The following RPAP3 variants were observed in gnomAD, a reference collection of about 807,000 sequenced individuals.
RPAP3 encodes the protein RNA polymerase II associated protein 3, also known as RNA polymerase II-associated protein 3.
RPAP3 carries 58 observed loss-of-function variants against 88.8 expected under a neutral mutation model. That is an observed-to-expected ratio of 0.65 (90% CI 0.53 to 0.81). The LOEUF (loss-of-function observed/expected upper bound fraction) is 0.81. Among genes scored for constraint, RPAP3 ranks in the 40% least tolerant of loss-of-function variants. The pLI is 0.00. For missense variants in RPAP3, 751 were observed against 764.3 expected (o/e 0.98, Z 0.20); for synonymous variants, 255 against 259.9 (o/e 0.98, Z 0.18).
intron 3 of RPAP3, among the ~76,000 whole-genome samples, chr12:47,700,450 G>T (rs1293198538): frequency 1.3e-5 from 2 of 152,110 alleles, no homozygotes; most frequent in East Asian, 1.9e-4. Flanking sequence ...TCTTTGGTAT[G>T]AATCAAATAT....
chr12:47,670,170 G>C lies in RPAP3; in HGVS notation c.1463C>G (p.Thr488Arg). 6.2e-7 allele frequency: 1 copy of C among 1,613,952 alleles called. No individual in the cohort carries two copies. The highest frequency in any genetic ancestry group is 8.5e-7 in the Non-Finnish European group (1 of 1,179,882). Residue 488 changes from threonine to arginine, a missense_variant, in exon 13 of 17, where the codon ACA becomes AGA. By Grantham distance (71) the Thr-to-Arg change is moderately conservative. Coordinates refer to ENST00000005386, the MANE Select transcript of RPAP3 (RefSeq NM_024604.3). Reference protein sequence around the residue: ...KNSSQDDLFPTSDTPRAKVLK... With the variant: ...KNSSQDDLFPRSDTPRAKVLK... Reference sequence around the variant, plus strand: ...TACTTTTGCTCTTGGAGTATCACTTGTGGGAAAAAGGTCATCTTGGCTTGA... The same window carrying C: ...TACTTTTGCTCTTGGAGTATCACTTCTGGGAAAAAGGTCATCTTGGCTTGA...
chr12:47,676,565 A>C (rs956952342), intron 12 of RPAP3, among the ~76,000 whole-genome samples: 2 of 152,252 alleles, frequency 1.3e-5, no homozygotes, highest in African/African-American at 2.4e-5. Context: ...TAAAGGGGAT[A>C]TCACCACTGA....
At chr12:47,698,087 A>AT (rs886646132) in intron 3 of RPAP3, among the ~76,000 whole-genome samples, 38 of 152,212 alleles carry the variant, frequency 2.5e-4, no homozygotes, top group African/African-American at 8.9e-4. Flanking sequence ...TTAAAAAAAA[A>AT]TTTTTTTCTT....
At chr12:47,701,398 G>A in intron 3 of RPAP3, 66 bp downstream of exon 3, 1 of 1,202,796 alleles carries the variant, frequency 8.3e-7, no homozygotes, top group Admixed American at 2.6e-5. Context: ...CTTAACCCAT[G>A]ATTATCAGCT....
intron 9 of RPAP3, among the ~76,000 whole-genome samples, chr12:47,682,394 C>CA (rs1363510968): frequency 6.6e-6 from 1 of 151,890 alleles, no homozygotes; most frequent in Admixed American, 6.6e-5. Context: ...CCCCCTCCAC[C>CA]AAAAAAACCC....
chr12:47,705,985 C>G lies in RPAP3; in HGVS notation c.-40G>C, dbSNP rs929835735. On this transcript the variant is annotated 5_prime_UTR_variant, in exon 1 of 17. Transcript: ENST00000005386. Reference sequence around the variant, plus strand: ...GCCGTAACCCGCCGCACTGCCACCCCGTCAGCCCCGCAGCGACTCACGCCG... The same window carrying G: ...GCCGTAACCCGCCGCACTGCCACCCGGTCAGCCCCGCAGCGACTCACGCCG... 1 of 153,058 alleles carries G rather than the reference C, an allele frequency of 6.5e-6. No homozygotes were observed. The highest frequency in any genetic ancestry group is 1.5e-5 in the Non-Finnish European group (1 of 68,600). 9.5% of individuals were successfully genotyped at this position (153,058 alleles called of 1,614,324 possible). A position where few individuals can be genotyped will look rare whatever the true frequency, so the allele number is the denominator to read the frequency against.
chr12:47,692,216 C>G (rs964322282), intron 5 of RPAP3, among the ~76,000 whole-genome samples: 2 of 152,234 alleles, frequency 1.3e-5, no homozygotes, highest in Admixed American at 6.5e-5. Context: ...TAGCCCCTAA[C>G]AAGAGAGAGA....
Position 47,663,259 on chromosome 12 carries a change from C to A in RPAP3, c.*246G>T. ...TCTAAATTTAACATTTAAAATGACT[C>A]ATAAAATAAAATGCTGATCCTTACA... is the stretch of plus-strand genomic sequence containing the variant. On this transcript the variant is annotated 3_prime_UTR_variant, in exon 17 of 17. Transcript: ENST00000005386. 2 of 296,938 alleles carry A rather than the reference C, an allele frequency of 6.7e-6. No individual in the cohort carries two copies. Among genetic ancestry groups the A allele is most frequent in the East Asian group, 6.6e-5 (1 of 15,240 alleles). The allele number at this position is 296,938 out of a possible 1,614,324, so 18.4% of individuals were successfully genotyped here. A position where few individuals can be genotyped will look rare whatever the true frequency, so the allele number is the denominator to read the frequency against.
chr12:47,669,035 G>C lies in RPAP3; in HGVS notation c.1594C>G (p.Gln532Glu). The change falls in exon 14 of 17, where the codon CAA (glutamine) becomes GAA (glutamate). Residue 532 changes from glutamine to glutamate, a missense_variant. By Grantham distance (29) the Gln-to-Glu change is conservative. Transcript: ENST00000005386. ...YSEKMPIEIEQKPAQFATTVL... is the reference protein window; with the variant it reads ...YSEKMPIEIEEKPAQFATTVL... ...GTTGTGGCAAACTGAGCAGGTTTTT[G>C]TTCTATCTCTATGGGCATTTTCTCG... 1 of 1,613,892 alleles carries C rather than the reference G, an allele frequency of 6.2e-7. No homozygotes were observed. Among genetic ancestry groups the C allele is most frequent in the Non-Finnish European group, 8.5e-7 (1 of 1,179,824 alleles).
chr12:47,702,068 T>G (rs1939664251), intron 2 of RPAP3, among the ~76,000 whole-genome samples: 1 of 152,214 alleles, frequency 6.6e-6, no homozygotes, highest in Admixed American at 6.5e-5. Flanking sequence ...AATATATCAT[T>G]AGTATATAAC....
At position 47,679,758 on chromosome 12, in the gene RPAP3, TA is replaced by T; in HGVS notation, c.1130del (p.Leu377TyrfsTer11). On this transcript the variant is annotated frameshift_variant, in exon 11 of 17. Coordinates refer to ENST00000005386, the MANE Select transcript of RPAP3 (RefSeq NM_024604.3). LOFTEE classifies it high-confidence loss of function. Reference sequence around the variant, plus strand: ...CTTGCTTATTTCCAGGTTCCAGAAGTAAAACAGTTTCAAAATCTAAAGCGAA... The same window carrying T: ...CTTGCTTATTTCCAGGTTCCAGAAGTAAACAGTTTCAAAATCTAAAGCGAA... Reference protein sequence around the residue: ...NEAKQDFETVLLLEPGNKQAV... With the variant: ...NEAKQDFETVXLLEPGNKQAV... 6.2e-7 allele frequency: 1 copy of T among 1,605,614 alleles called. No homozygotes were observed. The highest frequency in any genetic ancestry group is 8.5e-7 in the Non-Finnish European group (1 of 1,175,438).
intron 15 of RPAP3, among the ~76,000 whole-genome samples, chr12:47,667,472 T>C (rs1938901397): frequency 6.6e-6 from 1 of 152,212 alleles, no homozygotes; most frequent in South Asian, 2.1e-4. Context: ...TAATTTGCTA[T>C]ATACATTCAA....
chr12:47,695,483 C>A (rs1939507720), intron 5 of RPAP3, among the ~76,000 whole-genome samples: 1 of 152,020 alleles, frequency 6.6e-6, no homozygotes. Context: ...GGACAGGATA[C>A]AGAAAGGAGC....
chr12:47,699,645 T>C (rs1185941910), intron 3 of RPAP3: 2 of 152,186 alleles, frequency 1.3e-5, no homozygotes, highest in African/African-American at 4.8e-5. Context: ...AAATCCCCTC[T>C]AGGGTGCTTA....
At chr12:47,684,160 C>A (rs1939279035) in intron 9 of RPAP3, among the ~76,000 whole-genome samples, 1 of 152,144 alleles carries the variant, frequency 6.6e-6, no homozygotes, top group South Asian at 2.1e-4. Context: ...AACCATCTAC[C>A]AGCCTACATT....
chr12:47,683,221 T>TC (rs1939259038), intron 9 of RPAP3, among the ~76,000 whole-genome samples: 1 of 152,218 alleles, frequency 6.6e-6, no homozygotes, highest in African/African-American at 2.4e-5. Flanking sequence ...CACTCTGAAC[T>TC]CCTATAGCAC....
intron 5 of RPAP3, 51 bp downstream of exon 5, chr12:47,696,224 TC>T: frequency 7.3e-7 from 1 of 1,368,548 alleles, no homozygotes; most frequent in Non-Finnish European, 9.6e-7. Context: ...TTAATAAGTC[TC>T]CATATATACA....
At chr12:47,692,033 T>G (rs946760583) in intron 5 of RPAP3, among the ~76,000 whole-genome samples, 5 of 152,196 alleles carry the variant, frequency 3.3e-5, no homozygotes, top group Admixed American at 3.3e-4. Context: ...GCAGTAGGTC[T>G]CAACAGTTGG....
intron 5 of RPAP3, among the ~76,000 whole-genome samples, chr12:47,695,322 A>G (rs1444351056): frequency 1.3e-5 from 2 of 152,200 alleles, no homozygotes; most frequent in African/African-American, 2.4e-5. Context: ...ACAGAAAACT[A>G]CACACAGTAT....
Sources: gnomAD v4.1 joint callset for allele counts (sites outside exome capture counted in the v4.1 genomes callset) on GRCh38, gnomAD v4.1.1 for gene constraint, MANE v1.5 for transcripts, NCBI Gene and HGNC (gene_info 2026-07-23, HGNC 2026-07-21) for gene names.